The following DNAH17 variants were observed in gnomAD, a reference collection of about 807,000 sequenced individuals.
The protein encoded by DNAH17 is axonemal beta dynein heavy chain 17.
Under a neutral mutation model 485.6 loss-of-function variants are expected in DNAH17, and 376 were observed. The ratio of observed to expected loss-of-function variants is 0.77; its 90% CI spans 0.71 to 0.84. The LOEUF is 0.84. Ranked by LOEUF, DNAH17 falls within the 40% of genes least tolerant of loss-of-function variation. The probability of loss-of-function intolerance (pLI) is 0.00; values close to 1 mark genes in which losing one functional copy is unlikely to be tolerated. For synonymous variants in DNAH17, 3,031 were observed against 2,405.9 expected, an observed-to-expected ratio of 1.26 and a Z score of -7.60; for missense variants, 6,370 against 5,839.3, an observed-to-expected ratio of 1.09 and a Z score of -2.96.
chr17:78,517,344 G>A (rs976275418), intron 25 of DNAH17, among the ~76,000 whole-genome samples: 5 of 152,116 alleles, frequency 3.3e-5, no homozygotes, highest in African/African-American at 9.7e-5. Context: ...GCACCAGGCC[G>A]GATTTGAAAA....
chr17:78,500,917 C>T (rs367699731), intron 35 of DNAH17: 23 of 331,310 alleles, frequency 6.9e-5, no homozygotes, highest in African/African-American at 1.9e-4. Flanking sequence ...GGCACTGCTA[C>T]GACAACCAGA....
rs368091666 is a variant in DNAH17, at chr17:78,575,004, G to A, written c.54C>T (p.Ile18=). 44 of 1,613,880 alleles carry A rather than the reference G, an allele frequency of 2.7e-5. No homozygotes were observed. Among genetic ancestry groups the A allele is most frequent in the Admixed American group, 2.0e-4 (12 of 60,008 alleles). The change falls in exon 2 of 81, where the codon ATC becomes ATT. Residue 18 remains isoleucine (I), a synonymous_variant. Transcript: ENST00000389840. ...RLEYLEEVAS[I]VLKFKPDKWS... ...ACTTGTCCGGCTTGAACTTCAGGAC[G>A]ATGGAGGCAACTTCCTCCAGATACT... is the stretch of plus-strand genomic sequence containing the variant.
chr17:78,509,319 T>TA (rs1324312568), intron 27 of DNAH17, among the ~76,000 whole-genome samples: 1 of 151,962 alleles, frequency 6.6e-6, no homozygotes, highest in East Asian at 1.9e-4. Context: ...GGGGTCTGCC[T>TA]ATGTTGCCCA....
At position 78,526,872 on chromosome 17, in the gene DNAH17, T is replaced by C. The variant is rs1025917427; in HGVS notation, c.3624+8A>G. On this transcript the variant is annotated splice_region_variant and intron_variant, in intron 23 of 80. Coordinates refer to ENST00000389840, the MANE Select transcript of DNAH17 (RefSeq NM_173628.4). ...GGAAATCCCGCCACCCTGCCCCAGG[T>C]ATAATACCTCGAATTGCTGGCATTT... 5.7e-6 allele frequency: 9 copies of C among 1,568,472 alleles called. No individual in the cohort carries two copies. In the African/African-American group the frequency reaches 8.1e-5, roughly 14 times the overall value.
At position 78,537,489 on chromosome 17, in the gene DNAH17, A is replaced by T. The variant is rs187537494; in HGVS notation, c.2677-8T>A. 1.2e-6 allele frequency: 2 copies of T among 1,612,700 alleles called. No individual in the cohort carries two copies. Among genetic ancestry groups the T allele is most frequent in the East Asian group, 2.2e-5 (1 of 44,860 alleles). The stretch of plus-strand genomic sequence containing the variant: ...CAGGGGAGCGATACTCTCCTGAAAG[A>T]GGGGTGGGGTTGGCAGTGGTCAACA... On this transcript the variant is annotated splice_polypyrimidine_tract_variant and splice_region_variant and intron_variant, in intron 18 of 80. Transcript: ENST00000389840.
At position 78,507,368 on chromosome 17, in the gene DNAH17, G is replaced by A. The variant is rs1449294663; in HGVS notation, c.4586C>T (p.Ala1529Val). 6.2e-7 allele frequency: 1 copy of A among 1,613,990 alleles called. No individual in the cohort carries two copies. The highest frequency in any genetic ancestry group is 1.7e-5 in the Admixed American group (1 of 60,014). ...RFDDINQEFKALMEDAVKTPN... is the reference protein window; with the variant it reads ...RFDDINQEFKVLMEDAVKTPN... Reference sequence around the variant, plus strand: ...TGTTTTCACTGCATCTTCCATCAAGGCCTGGGAAGAGAAGGGGATCGCCAA... The same window carrying A: ...TGTTTTCACTGCATCTTCCATCAAGACCTGGGAAGAGAAGGGGATCGCCAA... The change falls in exon 29 of 81, where the codon GCC becomes GTC. Residue 1529 changes from alanine (A) to valine (V), a missense_variant and splice_region_variant. Transcript: ENST00000389840.
intron 25 of DNAH17, among the ~76,000 whole-genome samples, chr17:78,520,904 G>C (rs1598632908): frequency 6.6e-6 from 1 of 152,230 alleles, no homozygotes; most frequent in Middle Eastern, 3.4e-3. Context: ...AAAAGTACAA[G>C]TCCTAGAAGA....
At chr17:78,428,164 C>T (rs2086543588) in intron 77 of DNAH17, among the ~76,000 whole-genome samples, 1 of 152,188 alleles carries the variant, frequency 6.6e-6, no homozygotes, top group Non-Finnish European at 1.5e-5. Flanking sequence ...CGAGCTGCTA[C>T]TGCTGTTGTG....
chr17:78,567,288 A>C, intron 9 of DNAH17, 122 bp from the exon 10 acceptor site: 1 of 976,910 alleles, frequency 1.0e-6, no homozygotes, highest in South Asian at 1.5e-5. Context: ...AGGAGACACC[A>C]ACCATGGGGG....
At position 78,499,074 on chromosome 17, in the gene DNAH17, T is replaced by C. The variant is rs765154262; in HGVS notation, c.5679A>G (p.Gly1893=). ...GNIYKGLAQT[G]AWGCFDEFNR... ...TAAACTCGTCAAAGCAGCCCCAGGC[T>C]CCCGTCTGGGCCAGGCCCTTGTAGA... The change falls in exon 37 of 81, where the codon GGA becomes GGG. Residue 1893 remains glycine (G), a synonymous_variant. Transcript: ENST00000389840. 6.2e-7 allele frequency: 1 copy of C among 1,608,648 alleles called. No homozygotes were observed. Among genetic ancestry groups the C allele is most frequent in the Non-Finnish European group, 8.5e-7 (1 of 1,177,552 alleles).
intron 25 of DNAH17, chr17:78,522,426 A>G: frequency 3.4e-6 from 1 of 295,820 alleles, no homozygotes; most frequent in South Asian, 3.1e-5. Flanking sequence ...GATTTGTTTC[A>G]GGGAACAATC....
intron 48 of DNAH17, among the ~76,000 whole-genome samples, chr17:78,482,386 T>C (rs1323101271): frequency 1.3e-5 from 2 of 152,238 alleles, no homozygotes; most frequent in Non-Finnish European, 2.9e-5. Flanking sequence ...TGTTAGTTTC[T>C]AGTAATTCCT....
Position 78,423,866 on chromosome 17 carries a change from G to T in DNAH17, c.*40C>A. Reference sequence around the variant, plus strand: ...TGCACAGGTGAAGGGCTGAGTTGTGGTCCAGCCCCAGGGAGTGTGGGCTGT... The same window carrying T: ...TGCACAGGTGAAGGGCTGAGTTGTGTTCCAGCCCCAGGGAGTGTGGGCTGT... On this transcript the variant is annotated 3_prime_UTR_variant, in exon 81 of 81. Transcript: ENST00000389840. 1.2e-6 allele frequency: 2 copies of T among 1,608,502 alleles called. No homozygotes were observed. Among genetic ancestry groups the T allele is most frequent in the South Asian group, 2.2e-5 (2 of 90,512 alleles).
In DNAH17 at chr17:78,439,238, A is replaced by G. The variant is rs578030955; in HGVS notation, c.11678-21T>C. The G allele has an allele frequency of 4.4e-6, 7 of 1,593,816 alleles. 2 individuals are homozygous for G. In the South Asian group the frequency reaches 6.7e-5, roughly 15 times the overall value. ...TTTTCCTAAAGAAAAGAAAAACAGG[A>G]AAAAAACACCACGTAATTAAATGAC... On this transcript the variant is annotated intron_variant, in intron 72 of 80. Coordinates refer to ENST00000389840, the MANE Select transcript of DNAH17 (RefSeq NM_173628.4).
chr17:78,532,701 C>T lies in DNAH17; in HGVS notation c.2895G>A (p.Met965Ile), dbSNP rs1450557071. The change falls in exon 20 of 81, where the codon ATG becomes ATA. Residue 965 changes from methionine to isoleucine, a missense_variant. Physicochemically the swap from Met to Ile is conservative, Grantham distance 10 (BLOSUM62 1). Coordinates refer to ENST00000389840, the MANE Select transcript of DNAH17 (RefSeq NM_173628.4). The stretch of plus-strand genomic sequence containing the variant: ...TGACCAGGCTGGACACCTCCTCCCT[C>T]ATCTCTATGAGGTCTGTGTTATCTT... ...DLEDNTDLIE[M>I]REEVSSLVIN... 1.3e-6 allele frequency: 2 copies of T among 1,593,606 alleles called. No individual in the cohort carries two copies. The highest frequency in any genetic ancestry group is 8.6e-7 in the Non-Finnish European group (1 of 1,168,970).
chr17:78,560,038 G>A (rs554028630), intron 13 of DNAH17, among the ~76,000 whole-genome samples: 3 of 151,912 alleles, frequency 2.0e-5, no homozygotes, highest in East Asian at 1.9e-4. Flanking sequence ...TCTTCCTTCC[G>A]CGGAACCTGT....
intron 26 of DNAH17, among the ~76,000 whole-genome samples, chr17:78,511,081 G>C (rs1401791595): frequency 6.6e-6 from 1 of 152,210 alleles, no homozygotes; most frequent in African/African-American, 2.4e-5. Context: ...TGATTTCAGA[G>C]TCCTGGCCTC....
At chr17:78,461,777 A>G (rs2088141574) in intron 57 of DNAH17, 69 bp from the exon 58 acceptor site, 1 of 1,478,548 alleles carries the variant, frequency 6.8e-7, no homozygotes. Context: ...TGCACTGGGC[A>G]GACGAGGGCT....
intron 26 of DNAH17, 125 bp from the exon 27 acceptor site, chr17:78,510,631 G>A (rs1275158426): frequency 2.3e-6 from 3 of 1,305,262 alleles, no homozygotes; most frequent in African/African-American, 1.5e-5. Flanking sequence ...AGGGAGGGAG[G>A]CGAGCTCTGC....
Sources: gnomAD v4.1 joint callset for allele counts (sites outside exome capture counted in the v4.1 genomes callset) on GRCh38, gnomAD v4.1.1 for gene constraint, MANE v1.5 for transcripts, NCBI Gene and HGNC (gene_info 2026-07-23, HGNC 2026-07-21) for gene names.